LRRC39: variants seen among roughly 807,000 people sequenced by gnomAD.
LRRC39 encodes leucine-rich repeat-containing protein 39.
In LRRC39, 35 loss-of-function variants were observed where a neutral mutation model predicts 39.7. That is an observed-to-expected ratio of 0.88 (90% CI 0.67 to 1.17). The LOEUF (loss-of-function observed/expected upper bound fraction) is 1.17. LRRC39 is among the 50% of genes most tolerant of loss of function. The pLI is 0.00. For synonymous variants in LRRC39, 113 were observed against 134.1 expected, an observed-to-expected ratio of 0.84 and a Z score of 1.09; for missense variants, 357 against 385.8, an observed-to-expected ratio of 0.93 and a Z score of 0.62.
At chr1:100,157,688 A>G (rs1658567710) in intron 6 of LRRC39, among the ~76,000 whole-genome samples, 1 of 152,200 alleles carries the variant, frequency 6.6e-6, no homozygotes, top group South Asian at 2.1e-4. Context: ...CTTAACTTTT[A>G]TCTTGTAAAG....
chr1:100,172,731 C>T (rs1054870484), intron 2 of LRRC39, among the ~76,000 whole-genome samples: 6 of 151,834 alleles, frequency 4.0e-5, no homozygotes, highest in Non-Finnish European at 7.4e-5. Flanking sequence ...GAGGCCGAGG[C>T]GGGGGGATCA....
intron 4 of LRRC39, among the ~76,000 whole-genome samples, chr1:100,159,965 GACATAAA>G (rs1658750642): frequency 6.6e-6 from 1 of 152,032 alleles, no homozygotes; most frequent in Non-Finnish European, 1.5e-5. Context: ...GACAAACACT[GACATAAA>G]ACATAAAAAC....
chr1:100,165,575 T>A (rs1251986287), intron 3 of LRRC39, among the ~76,000 whole-genome samples: 2 of 152,166 alleles, frequency 1.3e-5, no homozygotes, highest in Admixed American at 6.5e-5. Flanking sequence ...TCAAGATCTT[T>A]TGTTTTTACA....
chr1:100,149,665 A>T, intron 9 of LRRC39: 1 of 348,978 alleles, frequency 2.9e-6, no homozygotes. Flanking sequence ...TAGAAATTAG[A>T]TAATGAAACC....
chr1:100,149,122 A>G lies in LRRC39; in HGVS notation c.953-25T>C, dbSNP rs779355147. 9 of 1,582,920 alleles carry G rather than the reference A, an allele frequency of 5.7e-6. No individual in the cohort carries two copies. In the African/African-American group the frequency reaches 1.2e-4, roughly 22 times the overall value. On this transcript the variant is annotated intron_variant, in intron 9 of 9. Coordinates refer to ENST00000370137, the MANE Select transcript of LRRC39 (RefSeq NM_144620.4). ...TCTGAAACATACATAACATGTCAAC[A>G]CATAATTAGCGTATTTCTGTTTGTA...
intron 9 of LRRC39, chr1:100,149,617 A>G (rs1657756446): frequency 2.1e-6 from 1 of 486,856 alleles, no homozygotes; most frequent in Non-Finnish European, 3.6e-6. Context: ...AACAATAAGT[A>G]TGTTCTCTTC....
chr1:100,158,552 C>G (rs938979875), intron 5 of LRRC39, among the ~76,000 whole-genome samples, 185 bp from the exon 6 acceptor site: 1 of 152,180 alleles, frequency 6.6e-6, no homozygotes, highest in African/African-American at 2.4e-5. Flanking sequence ...ATTTTCCTGC[C>G]TCAGCCTCCC....
rs1199217310 is a variant in LRRC39 at position 100,148,596 on chromosome 1, A to G, written c.*446T>C. ...TTATAAACTTTTGCAAAATTTTAAC[A>G]ATGTTTTGTGTGTGTTTATTCAATT... On this transcript the variant is annotated 3_prime_UTR_variant, in exon 10 of 10. Transcript: ENST00000370137. 2.5e-6 allele frequency: 4 copies of G among 1,575,586 alleles called. No homozygotes were observed. In the African/African-American group the frequency reaches 5.5e-5, roughly 22 times the overall value.
At chr1:100,177,567 A>G (rs940645678) in intron 1 of LRRC39, among the ~76,000 whole-genome samples, 2 of 152,258 alleles carry the variant, frequency 1.3e-5, no homozygotes, top group Non-Finnish European at 2.9e-5. Flanking sequence ...CTTCCTGAGC[A>G]TATTGCAACC....
In LRRC39 at chr1:100,159,610, T is replaced by C. The variant is rs1408967193; in HGVS notation, c.220-195A>G. ...TTTCCTTTTTTTTTTCTTTTCCTTT[T>C]TTTTTTTTTTTTTTTTTGGCTAAAC... On this transcript the variant is annotated intron_variant, in intron 4 of 9. Coordinates refer to ENST00000370137, the MANE Select transcript of LRRC39 (RefSeq NM_144620.4). 2.1e-4 allele frequency among the ~76,000 whole-genome samples: 30 copies of C among 140,090 alleles called. 9 individuals are homozygous for C. Among genetic ancestry groups the C allele is most frequent in the Non-Finnish European group, 3.2e-4 (21 of 64,908 alleles). The allele number at this position is 140,090 out of a possible 152,430, so 91.9% of individuals were successfully genotyped here.
intron 3 of LRRC39, among the ~76,000 whole-genome samples, chr1:100,164,972 C>A (rs1389741612): frequency 1.3e-5 from 2 of 152,104 alleles, no homozygotes; most frequent in African/African-American, 4.8e-5. Flanking sequence ...TGCCAAAGTG[C>A]TGGGATTACA....
At chr1:100,164,528 A>G (rs1659107292) in intron 3 of LRRC39, among the ~76,000 whole-genome samples, 1 of 152,202 alleles carries the variant, frequency 6.6e-6, no homozygotes, top group Non-Finnish European at 1.5e-5. Flanking sequence ...GGTCTATTTC[A>G]GAGCAGAGTA....
At chr1:100,170,573 CTT>C (rs1356281199) in intron 2 of LRRC39, among the ~76,000 whole-genome samples, 2 of 152,074 alleles carry the variant, frequency 1.3e-5, no homozygotes, top group Non-Finnish European at 2.9e-5. Context: ...TTGTACAACT[CTT>C]GAATAAAACT....
At chr1:100,179,591 G>A (rs1237329457), upstream of LRRC39, among the ~76,000 whole-genome samples, 2 of 148,282 alleles carry the variant, frequency 1.3e-5, no homozygotes, top group Non-Finnish European at 3.0e-5. Flanking sequence ...AATAAAACTA[G>A]CCAGGTGTAG....
intron 2 of LRRC39, among the ~76,000 whole-genome samples, 154 bp downstream of exon 2, chr1:100,173,177 T>C (rs1659744905): frequency 6.6e-6 from 1 of 151,594 alleles, no homozygotes; most frequent in African/African-American, 2.4e-5. Flanking sequence ...GAGGCGGAGG[T>C]TGCAGTGAGC....
intron 6 of LRRC39, among the ~76,000 whole-genome samples, chr1:100,156,926 A>C (rs545413588): frequency 5.6e-4 from 86 of 152,248 alleles, no homozygotes; most frequent in Non-Finnish European, 2.2e-4. Flanking sequence ...TTGAGGCTGC[A>C]GTGAGCCAGA....
intron 2 of LRRC39, among the ~76,000 whole-genome samples, chr1:100,171,817 T>G (rs190439106): frequency 8.2e-4 from 124 of 152,136 alleles, no homozygotes; most frequent in African/African-American, 2.9e-3. Flanking sequence ...GAAACACACT[T>G]CTAAATAACC....
rs1041532082 is a variant in LRRC39, at chr1:100,168,562, T to C, written c.-46A>G. 7.1e-7 allele frequency: 1 copy of C among 1,410,944 alleles called. No homozygotes were observed. The highest frequency in any genetic ancestry group is 9.9e-7 in the Non-Finnish European group (1 of 1,008,210). 87.4% of individuals were successfully genotyped at this position (1,410,944 alleles called of 1,614,324 possible). ...GTCACCAACTTCATTAGGTTTTGAATAGCTGAATCATAGATACCATTTCAG... is the reference window on the plus strand; with the variant it reads ...GTCACCAACTTCATTAGGTTTTGAACAGCTGAATCATAGATACCATTTCAG... On this transcript the variant is annotated 5_prime_UTR_variant, in exon 3 of 10. Coordinates refer to ENST00000370137, the MANE Select transcript of LRRC39 (RefSeq NM_144620.4).
intron 8 of LRRC39, among the ~76,000 whole-genome samples, chr1:100,153,356 G>A (rs962662251): frequency 5.9e-5 from 9 of 152,100 alleles, no homozygotes; most frequent in Non-Finnish European, 1.0e-4. Flanking sequence ...AATCCTAGAA[G>A]AAATCCTAGG....
Sources: allele counts gnomAD v4.1 joint callset (sites outside exome capture counted in the v4.1 genomes callset), GRCh38; gene constraint gnomAD v4.1.1; transcripts MANE v1.5; gene names NCBI Gene and HGNC (gene_info 2026-07-23, HGNC 2026-07-21).